MOB4: variants seen among roughly 807,000 people sequenced by gnomAD.
MOB4 encodes the protein MOB family member 4, phocein, also known as MOB-like protein phocein.
Under a neutral mutation model 32.2 loss-of-function variants are expected in MOB4, and 4 were observed. The ratio of observed to expected loss-of-function variants is 0.12; its 90% CI spans 0.06 to 0.28. The LOEUF is 0.28. MOB4 is among the 10% of genes least tolerant of loss of function. MOB4 has a pLI of 1.00. For synonymous variants in MOB4, 88 were observed against 88.1 expected (o/e 1.00, Z 0.01); for missense variants, 158 against 271.2 (o/e 0.58, Z 2.93).
At chr2:197,543,143 A>G (rs1458481053) in intron 5 of MOB4, among the ~76,000 whole-genome samples, 1 of 152,136 alleles carries the variant, frequency 6.6e-6, no homozygotes, top group Admixed American at 6.6e-5. Flanking sequence ...AATACAAAAA[A>G]TTAGCTGAGT....
chr2:197,545,825 A>T (rs1195244704), intron 5 of MOB4, among the ~76,000 whole-genome samples: 1 of 152,110 alleles, frequency 6.6e-6, no homozygotes, highest in African/African-American at 2.4e-5. Context: ...TCTTTTTGGG[A>T]TGCTGAAATG....
chr2:197,549,372 C>T (rs2087054510), intron 6 of MOB4, among the ~76,000 whole-genome samples: 1 of 151,808 alleles, frequency 6.6e-6, no homozygotes, highest in African/African-American at 2.4e-5. Flanking sequence ...GTATTTGTTA[C>T]CAGGTGGATA....
chr2:197,517,600 T>A (rs1013432298), intron 1 of MOB4, among the ~76,000 whole-genome samples: 3 of 152,230 alleles, frequency 2.0e-5, no homozygotes, highest in Admixed American at 2.0e-4. Context: ...CGTAACATAC[T>A]TGCTATGTTG....
chr2:197,538,313 G>T, intron 3 of MOB4, among the ~76,000 whole-genome samples: 1 of 149,598 alleles, frequency 6.7e-6, no homozygotes, highest in South Asian at 2.1e-4. Context: ...TTTGGTCTGG[G>T]TTGTATATTA....
chr2:197,544,808 A>G (rs989084756), intron 5 of MOB4, among the ~76,000 whole-genome samples: 1 of 152,138 alleles, frequency 6.6e-6, no homozygotes, highest in African/African-American at 2.4e-5. Flanking sequence ...TTTTACTACA[A>G]TTTTTTAAAA....
chr2:197,535,386 A>G, intron 2 of MOB4, 144 bp from the exon 3 acceptor site: 1 of 603,852 alleles, frequency 1.7e-6, no homozygotes, highest in South Asian at 4.1e-5. Flanking sequence ...GTTACTGATT[A>G]TGATTCTATA....
chr2:197,545,059 C>T (rs891861434), intron 5 of MOB4, among the ~76,000 whole-genome samples: 1 of 152,076 alleles, frequency 6.6e-6, no homozygotes, highest in Non-Finnish European at 1.5e-5. Flanking sequence ...ATGTAGTTCC[C>T]CCAAAATGAA....
In MOB4 at chr2:197,524,611, C is replaced by T. The variant is rs184619861; in HGVS notation, c.123+925C>T. Among the ~76,000 whole-genome samples, 453 of 151,438 alleles carry T rather than the reference C, an allele frequency of 3.0e-3. 3 individuals are homozygous for T. Among genetic ancestry groups the T allele is most frequent in the Non-Finnish European group, 3.3e-3 (225 of 67,888 alleles). On this transcript the variant is annotated intron_variant, in intron 2 of 7. Coordinates refer to ENST00000323303, the MANE Select transcript of MOB4 (RefSeq NM_015387.5). ...AATAAAAAGATAATATAAATTGGAG[C>T]GTACTAGTATATTGGATTAGGCATT...
intron 2 of MOB4, among the ~76,000 whole-genome samples, chr2:197,526,396 A>G (rs2106111162): frequency 6.6e-6 from 1 of 152,228 alleles, no homozygotes; most frequent in South Asian, 2.1e-4. Flanking sequence ...AACTCACTGC[A>G]GCCTCTGCCA....
At chr2:197,542,398 G>T (rs188933439) in intron 5 of MOB4, among the ~76,000 whole-genome samples, 12 of 152,276 alleles carry the variant, frequency 7.9e-5, no homozygotes, top group African/African-American at 2.9e-4. Context: ...AATTTGAAAG[G>T]ACACTTTCTG....
In MOB4 at chr2:197,538,138, T is replaced by G. The variant is rs546457685; in HGVS notation, c.225-1973T>G. On this transcript the variant is annotated intron_variant, in intron 3 of 7. Coordinates refer to ENST00000323303, the MANE Select transcript of MOB4 (RefSeq NM_015387.5). ...GGGGCTGATTTTAGTGTTACAAGGG[T>G]TTTTTTTTTTTCAGATCTAAGAAAA... 3.8e-5 allele frequency among the ~76,000 whole-genome samples: 5 copies of G among 132,476 alleles called. No individual in the cohort carries two copies. The South Asian group carries it at 1.1e-3, about 29-fold the overall frequency. 86.9% of individuals were successfully genotyped at this position (132,476 alleles called of 152,430 possible). A position where few individuals can be genotyped will look rare whatever the true frequency, so the allele number is the denominator to read the frequency against.
intron 1 of MOB4, among the ~76,000 whole-genome samples, chr2:197,518,818 C>T (rs2086463351): frequency 1.3e-5 from 2 of 152,178 alleles, no homozygotes; most frequent in South Asian, 4.1e-4. Flanking sequence ...TGCAGTGGCA[C>T]GATCTTGGCT....
chr2:197,523,534 C>A, intron 1 of MOB4, 90 bp from the exon 2 acceptor site: 2 of 1,339,746 alleles, frequency 1.5e-6, no homozygotes, highest in South Asian at 1.4e-5. Flanking sequence ...TTTTCTTCCC[C>A]TCTAGTGTGA....
chr2:197,543,067 G>A (rs2086925898), intron 5 of MOB4, among the ~76,000 whole-genome samples: 2 of 152,132 alleles, frequency 1.3e-5, no homozygotes, highest in South Asian at 4.1e-4. Context: ...CGAGGCAGGT[G>A]GGTCACCTGA....
intron 1 of MOB4, among the ~76,000 whole-genome samples, chr2:197,522,372 C>A (rs1386579731): frequency 7.0e-6 from 1 of 143,186 alleles, no homozygotes; most frequent in Admixed American, 7.1e-5. Flanking sequence ...GCTCTGTCAC[C>A]CAGGCTGGAG....
chr2:197,542,118 C>T (rs960014576), intron 5 of MOB4, among the ~76,000 whole-genome samples: 6 of 152,100 alleles, frequency 3.9e-5, no homozygotes, highest in African/African-American at 7.2e-5. Flanking sequence ...ATGTATTATT[C>T]TTTCTTTAGA....
At chr2:197,523,008 AAATAAT>A (rs971955388) in intron 1 of MOB4, among the ~76,000 whole-genome samples, 3 of 151,678 alleles carry the variant, frequency 2.0e-5, no homozygotes, top group African/African-American at 4.8e-5. Flanking sequence ...AGTGGTCTCA[AAATAAT>A]AATAATAATA....
chr2:197,517,638 TGTC>T (rs1162192213), intron 1 of MOB4, among the ~76,000 whole-genome samples: 1 of 152,118 alleles, frequency 6.6e-6, no homozygotes, highest in African/African-American at 2.4e-5. Context: ...GAAAACTTAT[TGTC>T]TTTTTTTTTC....
intron 2 of MOB4, among the ~76,000 whole-genome samples, chr2:197,534,246 TAGTA>T (rs2086758606): frequency 6.6e-6 from 1 of 152,236 alleles, no homozygotes; most frequent in Non-Finnish European, 1.5e-5. Flanking sequence ...GCCTTATAGT[TAGTA>T]AGTTTTTGTA....
Sources: gnomAD v4.1 joint callset for allele counts (sites outside exome capture counted in the v4.1 genomes callset) on GRCh38, gnomAD v4.1.1 for gene constraint, MANE v1.5 for transcripts, NCBI Gene and HGNC (gene_info 2026-07-23, HGNC 2026-07-21) for gene names.